MYO18A: variants seen among roughly 807,000 people sequenced by gnomAD.
MYO18A encodes myosin XVIIIA.
In MYO18A, 78 loss-of-function variants were observed where a neutral mutation model predicts 235.8. That is an observed-to-expected ratio of 0.33 (90% CI 0.28 to 0.40). The LOEUF (loss-of-function observed/expected upper bound fraction) is 0.40. Ranked by LOEUF, MYO18A falls within the 10% of genes least tolerant of loss-of-function variation. The pLI, the probability that MYO18A is intolerant of heterozygous loss-of-function variation, is 1.00. For missense variants in MYO18A, 2,215 were observed against 2,699.3 expected (o/e 0.82, Z 3.98); for synonymous variants, 977 against 1,077.8 (o/e 0.91, Z 1.83).
Position 29,120,924 on chromosome 17 carries a change from A to G in MYO18A, c.1585+74T>C. ...AAGGCCAGGGAGAAAAAGAGCTGGC[A>G]CTTAAGAGGGTGCTCTCTCCTCACT... On this transcript the variant is annotated intron_variant, in intron 6 of 41. Coordinates refer to ENST00000527372, the MANE Select transcript of MYO18A (RefSeq NM_078471.4). The surrounding 1 kb of genome is among the most constrained non-coding windows in gnomAD (Gnocchi z 4.2). 3.8e-6 allele frequency: 6 copies of G among 1,563,198 alleles called. No individual in the cohort carries two copies. In the South Asian group the frequency reaches 6.9e-5, roughly 18 times the overall value.
chr17:29,133,860 T>C, intron 2 of MYO18A: 1 of 1,289,256 alleles, frequency 7.8e-7, no homozygotes, highest in Non-Finnish European at 1.0e-6. Context: ...ACCTGTGCCC[T>C]GGGTCAGAGA....
chr17:29,177,471 G>A (rs35377455), intron 1 of MYO18A, among the ~76,000 whole-genome samples: 39,553 of 151,886 alleles, frequency 0.26, 5,568 homozygotes, highest in East Asian at 0.57. Flanking sequence ...GGGAAGTGGA[G>A]GCTCACCAGG....
chr17:29,115,392 G>A lies in MYO18A; in HGVS notation c.2277C>T (p.Leu759=), dbSNP rs1193105603. The change falls in exon 13 of 42, where the codon CTC becomes CTT. Residue 759 remains leucine (L), a synonymous_variant. Transcript: ENST00000527372. ...LECLEGMAAG[L]YSELFTLLVS... is the part of the protein sequence containing the mutation. ...CGAGAAGGGTGAAGAGCTCGCTGTA[G>A]AGGCCGGCCGCCATGCCCTCAAGGC... 1.2e-6 allele frequency: 2 copies of A among 1,613,722 alleles called. No individual in the cohort carries two copies. Among genetic ancestry groups the A allele is most frequent in the East Asian group, 2.2e-5 (1 of 44,896 alleles).
rs780351991 is a variant in MYO18A, at chr17:29,121,132, G to A, written c.1451C>T (p.Ala484Val). Residue 484 changes from alanine (A) to valine (V), a missense_variant, in exon 6 of 42, where the codon GCG (alanine) becomes GTG (valine). Physicochemically the swap from Ala to Val is moderately conservative, Grantham distance 64. Coordinates refer to ENST00000527372, the MANE Select transcript of MYO18A (RefSeq NM_078471.4). The surrounding 1 kb of genome is among the most constrained non-coding windows in gnomAD (Gnocchi z 4.2). ...CTGATCCTGACGGCTCATCAGCATC[G>A]CCCTGTATGCGGTCTGGGCCACTGC... is the stretch of plus-strand genomic sequence containing the variant. ...IYAVAQTAYR[A>V]MLMSRQDQSI... The A allele has an allele frequency of 3.4e-5, 55 of 1,610,790 alleles. No homozygotes were observed. The highest frequency in any genetic ancestry group is 3.4e-5 in the Admixed American group (2 of 59,574).
chr17:29,174,942 G>A (rs1456515346), intron 1 of MYO18A, among the ~76,000 whole-genome samples: 1 of 152,106 alleles, frequency 6.6e-6, no homozygotes, highest in Non-Finnish European at 1.5e-5. Flanking sequence ...TAGGTTGCAG[G>A]ATAGTTTATA....
intron 19 of MYO18A, among the ~76,000 whole-genome samples, chr17:29,108,860 C>A (rs1309947244): frequency 1.3e-5 from 2 of 152,182 alleles, no homozygotes; most frequent in African/African-American, 4.8e-5. Context: ...CCTGCCGCTG[C>A]TGGCCTCATC....
intron 2 of MYO18A, among the ~76,000 whole-genome samples, chr17:29,164,110 G>T (rs149719165): frequency 6.6e-6 from 1 of 152,030 alleles, no homozygotes; most frequent in Non-Finnish European, 1.5e-5. Context: ...GGCTGGTCTC[G>T]AACTCCCAAC....
intron 40 of MYO18A, among the ~76,000 whole-genome samples, chr17:29,083,531 C>T (rs572553295): frequency 2.3e-4 from 18 of 79,464 alleles, no homozygotes; most frequent in Non-Finnish European, 2.7e-4. Context: ...TGCGCGCGCG[C>T]GCACACACAC....
At chr17:29,075,403 T>A (rs2065950690) in intron 41 of MYO18A, 1 of 168,858 alleles carries the variant, frequency 5.9e-6, no homozygotes, top group Admixed American at 6.4e-5. Context: ...GCTTTCCCTG[T>A]CAAATACTCC....
chr17:29,145,996 G>A (rs2067840158), intron 2 of MYO18A, among the ~76,000 whole-genome samples: 1 of 152,252 alleles, frequency 6.6e-6, no homozygotes, highest in Non-Finnish European at 1.5e-5. Context: ...AGTGGCTCAC[G>A]CCAGTAATCT....
intron 40 of MYO18A, among the ~76,000 whole-genome samples, chr17:29,084,713 G>A (rs778146188): frequency 1.8e-4 from 27 of 152,056 alleles, no homozygotes; most frequent in Admixed American, 3.9e-4. Flanking sequence ...CTCTCACTGA[G>A]TCCTGTGCGC....
In MYO18A at chr17:29,140,482, C is replaced by T; in HGVS notation, c.1000-18229G>A. The T allele has an allele frequency of 8.5e-7, 1 of 1,172,908 alleles. No individual in the cohort carries two copies. The highest frequency in any genetic ancestry group is 1.1e-6 in the Non-Finnish European group (1 of 924,502). 72.7% of individuals were successfully genotyped at this position (1,172,908 alleles called of 1,614,324 possible). A position where few individuals can be genotyped will look rare whatever the true frequency, so the allele number is the denominator to read the frequency against. On this transcript the variant is annotated intron_variant, in intron 2 of 41. Transcript: ENST00000527372. This position sits in a 1 kb window ranked among gnomAD's most constrained non-coding sequence, Gnocchi z 4.2. Reference sequence around the variant, plus strand: ...CCCGGCCCCTCCCGTCCCGAGCTGCCCAGCCCTAGTTGGAGCCAGCAGCCC... The same window carrying T: ...CCCGGCCCCTCCCGTCCCGAGCTGCTCAGCCCTAGTTGGAGCCAGCAGCCC...
At chr17:29,128,088 C>T (rs547861108) in intron 2 of MYO18A, 2 of 1,036,398 alleles carry the variant, frequency 1.9e-6, no homozygotes, top group Admixed American at 1.1e-4. Flanking sequence ...TTGCCGCGGG[C>T]CTTGTGCTCC....
In MYO18A at chr17:29,115,840, G is replaced by C; in HGVS notation, c.2051C>G (p.Ala684Gly). ...ATGGCGGGCAAACTGCTTGCGCCCA[G>C]CTGTGGAGTGGAAAAAGGGATCTGG... ...AAGATKEAAE[A>G]GRKQFARHEW... The change falls in exon 12 of 42, where the codon GCT becomes GGT. Residue 684 changes from alanine (A) to glycine (G), a missense_variant and splice_region_variant. Coordinates refer to ENST00000527372, the MANE Select transcript of MYO18A (RefSeq NM_078471.4). The C allele has an allele frequency of 6.4e-7, 1 of 1,573,620 alleles. No individual in the cohort carries two copies.
chr17:29,090,307 A>C, intron 36 of MYO18A: 1 of 695,274 alleles, frequency 1.4e-6, no homozygotes, highest in South Asian at 1.9e-5. Context: ...AGAAAGGAGA[A>C]AGCTAAGGAT....
Position 29,117,915 on chromosome 17 carries a change from G to T in MYO18A, c.2038+130C>A. 1 of 1,127,494 alleles carries T rather than the reference G, an allele frequency of 8.9e-7. No individual in the cohort carries two copies. Among genetic ancestry groups the T allele is most frequent in the South Asian group, 1.6e-5 (1 of 63,602 alleles). The allele number at this position is 1,127,494 out of a possible 1,614,324, so 69.8% of individuals were successfully genotyped here. On this transcript the variant is annotated intron_variant, in intron 10 of 41. Coordinates refer to ENST00000527372, the MANE Select transcript of MYO18A (RefSeq NM_078471.4). The surrounding 1 kb of genome is among the most constrained non-coding windows in gnomAD (Gnocchi z 4.6). ...GCTCTGAAGTGGGGGGCTGAGAAGAGGCACAAGCAAAAGAGGGTTGTCTCA... is the reference window on the plus strand; with the variant it reads ...GCTCTGAAGTGGGGGGCTGAGAAGATGCACAAGCAAAAGAGGGTTGTCTCA...
intron 1 of MYO18A, among the ~76,000 whole-genome samples, chr17:29,172,569 A>T (rs2068430211): frequency 6.6e-6 from 1 of 152,232 alleles, no homozygotes; most frequent in Non-Finnish European, 1.5e-5. Flanking sequence ...CCATCTATAA[A>T]AATGGAGATA....
intron 2 of MYO18A, among the ~76,000 whole-genome samples, chr17:29,123,767 G>A (rs540244648): frequency 2.7e-4 from 41 of 152,218 alleles, no homozygotes; most frequent in Non-Finnish European, 4.0e-4. Context: ...TAAAAATCAT[G>A]GCCAGGTGCA....
intron 24 of MYO18A, 66 bp from the exon 25 acceptor site, chr17:29,098,290 G>A: frequency 1.2e-6 from 2 of 1,611,870 alleles, no homozygotes; most frequent in Non-Finnish European, 1.7e-6. Context: ...GAACACCTGG[G>A]GGACCTGCAG....
Sources: allele counts gnomAD v4.1 joint callset (sites outside exome capture counted in the v4.1 genomes callset), GRCh38; gene constraint gnomAD v4.1.1; non-coding constraint Gnocchi (gnomAD v3.1); transcripts MANE v1.5; gene names NCBI Gene and HGNC (gene_info 2026-07-23, HGNC 2026-07-21).